The following FRMD4A variants were observed in gnomAD, a reference collection of about 807,000 sequenced individuals.
The protein encoded by FRMD4A is FERM domain-containing protein 4A.
A neutral mutation model predicts 129.1 loss-of-function variants in FRMD4A; 29 were observed. That is an observed-to-expected ratio of 0.22 (90% CI 0.17 to 0.31). The LOEUF (loss-of-function observed/expected upper bound fraction) is 0.31, where lower values mean the gene tolerates loss of function less well. Ranked by LOEUF, FRMD4A falls within the 10% of genes least tolerant of loss-of-function variation. The probability of loss-of-function intolerance (pLI) is 1.00; values close to 1 mark genes in which losing one functional copy is unlikely to be tolerated. For missense variants in FRMD4A, 1,272 were observed against 1,375.8 expected (o/e 0.92, Z 1.19); for synonymous variants, 634 against 571.6 (o/e 1.11, Z -1.56).
chr10:13,827,245 A>G (rs11258657), intron 3 of FRMD4A, among the ~76,000 whole-genome samples: 83,917 of 151,824 alleles, frequency 0.55, 23,330 homozygotes, highest in Middle Eastern at 0.72. Flanking sequence ...AAGGGGTATC[A>G]GGCATCATGG....
At chr10:14,136,930 G>A (rs943362) in intron 2 of FRMD4A, among the ~76,000 whole-genome samples, 39,800 of 152,106 alleles carry the variant, frequency 0.26, 6,222 homozygotes, top group East Asian at 0.51. Flanking sequence ...ACGCCAAATT[G>A]TGGTATACCT....
chr10:13,766,152 T>C (rs1200268261), intron 6 of FRMD4A, among the ~76,000 whole-genome samples: 1 of 152,260 alleles, frequency 6.6e-6, no homozygotes, highest in Non-Finnish European at 1.5e-5. Flanking sequence ...CAGCCCATTA[T>C]GTGGTCCCAG....
intron 2 of FRMD4A, among the ~76,000 whole-genome samples, chr10:13,984,238 T>G (rs2095573149): frequency 6.6e-6 from 1 of 152,148 alleles, no homozygotes; most frequent in Non-Finnish European, 1.5e-5. Context: ...GTCGAACGTG[T>G]GTCCAGAGCC....
intron 18 of FRMD4A, among the ~76,000 whole-genome samples, chr10:13,664,069 A>G (rs2082836923): frequency 1.3e-5 from 2 of 152,214 alleles, no homozygotes; most frequent in Non-Finnish European, 2.9e-5. Flanking sequence ...AACACACCCA[A>G]AAGGGAGATG....
At chr10:14,223,514 G>T (rs1294395462) in intron 2 of FRMD4A, among the ~76,000 whole-genome samples, 1 of 152,164 alleles carries the variant, frequency 6.6e-6, no homozygotes, top group African/African-American at 2.4e-5. Flanking sequence ...GGTCAAGGCA[G>T]GAGGATCACT....
At chr10:14,210,681 G>A (rs1489703535) in intron 2 of FRMD4A, among the ~76,000 whole-genome samples, 2 of 152,170 alleles carry the variant, frequency 1.3e-5, no homozygotes, top group African/African-American at 4.8e-5. Context: ...TAGCCGCACT[G>A]TATCATGTGG....
intron 12 of FRMD4A, among the ~76,000 whole-genome samples, chr10:13,729,100 G>GC (rs1202010727): frequency 2.1e-5 from 1 of 48,420 alleles, no homozygotes; most frequent in East Asian, 6.4e-4. Flanking sequence ...GCCCCCGCCC[G>GC]CCCCCGCGGC....
At chr10:13,847,186 C>T (rs1007743949) in intron 3 of FRMD4A, among the ~76,000 whole-genome samples, 6 of 152,098 alleles carry the variant, frequency 3.9e-5, no homozygotes, top group African/African-American at 1.4e-4. Flanking sequence ...CTTCGGTTGC[C>T]ATGAGGTGCT....
intron 2 of FRMD4A, among the ~76,000 whole-genome samples, chr10:14,065,851 G>C (rs1835029108): frequency 6.6e-6 from 1 of 152,232 alleles, no homozygotes; most frequent in South Asian, 2.1e-4. Context: ...GAATAAACCA[G>C]GAAAGGGGGT....
chr10:13,713,878 AAT>A (rs1401030038), intron 12 of FRMD4A, among the ~76,000 whole-genome samples: 18 of 109,072 alleles, frequency 1.7e-4, no homozygotes, highest in South Asian at 2.7e-4. Flanking sequence ...ACATATATGT[AAT>A]ATATATACAT....
chr10:14,310,472 T>C (rs987664640), intron 2 of FRMD4A, among the ~76,000 whole-genome samples: 2 of 152,158 alleles, frequency 1.3e-5, no homozygotes, highest in Non-Finnish European at 1.5e-5. Context: ...CAAACATAGA[T>C]AAGCAAGCTG....
At chr10:13,723,215 G>A (rs1342701011) in intron 12 of FRMD4A, among the ~76,000 whole-genome samples, 1 of 152,210 alleles carries the variant, frequency 6.6e-6, no homozygotes, top group Non-Finnish European at 1.5e-5. Context: ...TGGTTAGCTA[G>A]GTCACCAAGC....
chr10:13,818,299 G>A (rs988535695), intron 3 of FRMD4A, among the ~76,000 whole-genome samples: 1 of 151,922 alleles, frequency 6.6e-6, no homozygotes, highest in Non-Finnish European at 1.5e-5. Flanking sequence ...AGTAGGGGGG[G>A]ACTACAGGTA....
At chr10:14,080,790 C>T (rs775436148) in intron 2 of FRMD4A, among the ~76,000 whole-genome samples, 1 of 151,858 alleles carries the variant, frequency 6.6e-6, no homozygotes, top group Non-Finnish European at 1.5e-5. Flanking sequence ...ATCTCTATAC[C>T]TCATGGTGCT....
intron 2 of FRMD4A, among the ~76,000 whole-genome samples, chr10:13,905,400 G>A (rs898181289): frequency 4.6e-5 from 7 of 152,170 alleles, no homozygotes; most frequent in African/African-American, 2.4e-5. Context: ...TTTTGGGAAG[G>A]TAGGCACAGA....
chr10:14,203,849 C>T (rs1347139861), intron 2 of FRMD4A, among the ~76,000 whole-genome samples: 2 of 152,170 alleles, frequency 1.3e-5, no homozygotes, highest in African/African-American at 4.8e-5. Flanking sequence ...TTGAATTGTG[C>T]CTAAAGTTAT....
chr10:13,790,693 T>A (rs2895586), intron 5 of FRMD4A, among the ~76,000 whole-genome samples: 1 of 151,270 alleles, frequency 6.6e-6, no homozygotes, highest in South Asian at 2.1e-4. Flanking sequence ...AGACCTCCAG[T>A]GACCAGGGGG....
intron 15 of FRMD4A, chr10:13,684,666 T>G: frequency 6.1e-6 from 6 of 985,234 alleles, no homozygotes; most frequent in Non-Finnish European, 7.2e-6. Flanking sequence ...CAGGAGGACG[T>G]TGTCAGGAGC....
At chr10:14,094,351 A>G (rs867336455) in intron 2 of FRMD4A, among the ~76,000 whole-genome samples, 3 of 152,230 alleles carry the variant, frequency 2.0e-5, no homozygotes, top group Admixed American at 1.3e-4. Flanking sequence ...AACCGTGTTA[A>G]CGAGACCCCC....
Sources: gnomAD v4.1 joint callset for allele counts (sites outside exome capture counted in the v4.1 genomes callset) on GRCh38, gnomAD v4.1.1 for gene constraint, MANE v1.5 for transcripts, NCBI Gene and HGNC (gene_info 2026-07-23, HGNC 2026-07-21) for gene names.